Variants in SLC23A2 observed in about 807,000 individuals in gnomAD.
SLC23A2 encodes the protein Na(+)/L-ascorbic acid transporter 2.
Under a neutral mutation model 73.3 loss-of-function variants are expected in SLC23A2, and 36 were observed. That is an observed-to-expected ratio of 0.49 (90% CI 0.38 to 0.65). The LOEUF (loss-of-function observed/expected upper bound fraction) is 0.65, where lower values mean the gene tolerates loss of function less well. SLC23A2 is among the 30% of genes least tolerant of loss of function. The pLI is 0.00. For synonymous variants in SLC23A2, 343 were observed against 327.3 expected (o/e 1.05, Z -0.52); for missense variants, 507 against 841.6 (o/e 0.60, Z 4.92).
At position 4,932,731 on chromosome 20, in the gene SLC23A2, C is replaced by A. The variant is rs887203325; in HGVS notation, c.-154-15G>T. 8.5e-6 allele frequency: 5 copies of A among 586,200 alleles called. No homozygotes were observed. The African/African-American group carries it at 9.4e-5, about 11-fold the overall frequency. The allele number at this position is 586,200 out of a possible 1,614,324, so 36.3% of individuals were successfully genotyped here. On this transcript the variant is annotated splice_polypyrimidine_tract_variant and intron_variant, in intron 2 of 16. Transcript: ENST00000338244. ...TCTCTTAGCACCTAGAAAAGAAGAG[C>A]ACAGCCAAATCACCCCAAAGCATGA...
chr20:4,906,547 G>A (rs543456779), intron 4 of SLC23A2, among the ~76,000 whole-genome samples: 1 of 152,120 alleles, frequency 6.6e-6, no homozygotes. Context: ...TTCAACCCAG[G>A]AGGCAGAGGC....
At chr20:4,921,602 CAAA>C (rs1258373626) in intron 3 of SLC23A2, among the ~76,000 whole-genome samples, 9 of 86,722 alleles carry the variant, frequency 1.0e-4, no homozygotes, top group South Asian at 3.5e-4. Context: ...CAATCACAAC[CAAA>C]AAAAAAAAAA....
rs6116569 is a variant in SLC23A2, at chr20:4,884,071, T to A, written c.643-248A>T. ...TGGACACACGGCCCACATGCCTTTT[T>A]CACTGTTAAACGATGCAGGCAAAAA... On this transcript the variant is annotated intron_variant, in intron 8 of 16. Transcript: ENST00000338244. Among the ~76,000 whole-genome samples the A allele has an allele frequency of 5.7e-4, 87 of 151,992 alleles. 3 individuals are homozygous for A. The highest frequency in any genetic ancestry group is 2.1e-4 in the Non-Finnish European group (14 of 67,974).
At chr20:4,913,823 C>T (rs1221534143) in intron 3 of SLC23A2, among the ~76,000 whole-genome samples, 1 of 151,852 alleles carries the variant, frequency 6.6e-6, no homozygotes, top group Non-Finnish European at 1.5e-5. Flanking sequence ...GACGGGGTTT[C>T]ACCATGTTGG....
intron 2 of SLC23A2, among the ~76,000 whole-genome samples, chr20:4,967,482 T>C (rs895541225): frequency 6.6e-6 from 1 of 152,254 alleles, no homozygotes; most frequent in Non-Finnish European, 1.5e-5. Context: ...TACCTTCTTA[T>C]GTAAGCTCTG....
At chr20:4,919,072 A>G (rs1932418707) in intron 3 of SLC23A2, among the ~76,000 whole-genome samples, 1 of 152,224 alleles carries the variant, frequency 6.6e-6, no homozygotes, top group Non-Finnish European at 1.5e-5. Flanking sequence ...CCTACTTTCA[A>G]TATTATTAGA....
chr20:4,943,633 C>T (rs1001753305), intron 2 of SLC23A2, among the ~76,000 whole-genome samples: 9 of 148,094 alleles, frequency 6.1e-5, no homozygotes, highest in African/African-American at 1.3e-4. Flanking sequence ...TGAGACTGCA[C>T]GACTACACTC....
At position 4,952,218 on chromosome 20, in the gene SLC23A2, T is replaced by C. The variant is rs566881183; in HGVS notation, c.-155+18575A>G. ...TTAAGAAAAATCTGAGTAAAGGGACTAAAAGGGCATTCTAGGTTCATGCAA... is the reference window on the plus strand; with the variant it reads ...TTAAGAAAAATCTGAGTAAAGGGACCAAAAGGGCATTCTAGGTTCATGCAA... On this transcript the variant is annotated intron_variant, in intron 2 of 16. Transcript: ENST00000338244. Among the ~76,000 whole-genome samples the C allele has an allele frequency of 4.0e-5, 6 of 150,476 alleles. No individual in the cohort carries two copies. In the East Asian group the frequency reaches 1.2e-3, roughly 29 times the overall value.
At chr20:5,006,963 G>T (rs1291068624) in intron 1 of SLC23A2, among the ~76,000 whole-genome samples, 1 of 146,724 alleles carries the variant, frequency 6.8e-6, no homozygotes, top group East Asian at 1.9e-4. Flanking sequence ...GTGTGTGTGT[G>T]TGTGTGTGTG....
chr20:4,874,023 C>T lies in SLC23A2; in HGVS notation c.1015G>A (p.Asp339Asn), dbSNP rs1453294674. 3.7e-6 allele frequency: 6 copies of T among 1,614,104 alleles called. No homozygotes were observed. The highest frequency in any genetic ancestry group is 1.3e-5 in the African/African-American group (1 of 75,034). The change falls in exon 11 of 17, where the codon GAC becomes AAC. Residue 339 changes from aspartate to asparagine, a missense_variant. By Grantham distance (23) the Asp-to-Asn change is conservative. This residue lies in a region of SLC23A2 where 217 missense variants were observed against 398.0 expected (regional missense o/e 0.55). Coordinates refer to ENST00000338244, the MANE Select transcript of SLC23A2 (RefSeq NM_005116.6). ...IFTVTDVFPPDSTKYGFYART... is the reference protein window; with the variant it reads ...IFTVTDVFPPNSTKYGFYART... ...GCATAGAAGCCATACTTTGTGCTGT[C>T]GGGAGGGAAGACATCTGTCACCGTG...
At chr20:4,964,907 A>C (rs1725989730) in intron 2 of SLC23A2, among the ~76,000 whole-genome samples, 1 of 152,168 alleles carries the variant, frequency 6.6e-6, no homozygotes, top group African/African-American at 2.4e-5. Context: ...AAGAAAAAAA[A>C]AAAGAAAGGA....
intron 7 of SLC23A2, among the ~76,000 whole-genome samples, chr20:4,885,170 T>C (rs191804137): frequency 5.7e-4 from 87 of 152,278 alleles, no homozygotes; most frequent in African/African-American, 2.1e-3. Flanking sequence ...TTGAAAAACT[T>C]AGATAAAACA....
intron 3 of SLC23A2, among the ~76,000 whole-genome samples, chr20:4,930,680 G>T (rs534486686): frequency 1.3e-5 from 2 of 152,096 alleles, no homozygotes; most frequent in Non-Finnish European, 2.9e-5. Context: ...TTAGCTGGGC[G>T]TGGTGGCACA....
intron 6 of SLC23A2, among the ~76,000 whole-genome samples, chr20:4,887,435 G>A (rs1301255998): frequency 6.6e-6 from 1 of 152,186 alleles, no homozygotes; most frequent in Non-Finnish European, 1.5e-5. Flanking sequence ...GAATACAAAT[G>A]GTGAATTGCG....
intron 1 of SLC23A2, among the ~76,000 whole-genome samples, chr20:4,984,101 C>G (rs2087780119): frequency 6.6e-6 from 1 of 151,986 alleles, no homozygotes; most frequent in Non-Finnish European, 1.5e-5. Flanking sequence ...AGACAAGTAA[C>G]CTAATTAAAT....
intron 3 of SLC23A2, among the ~76,000 whole-genome samples, chr20:4,923,005 C>T (rs1932547951): frequency 6.6e-6 from 1 of 152,098 alleles, no homozygotes; most frequent in South Asian, 2.1e-4. Flanking sequence ...ACTAACATCT[C>T]TCATTTCATT....
chr20:4,967,679 C>T (rs541344143), intron 2 of SLC23A2, among the ~76,000 whole-genome samples: 52 of 152,288 alleles, frequency 3.4e-4, no homozygotes, highest in African/African-American at 1.2e-3. Context: ...CAGGATTTCC[C>T]GATACATAGG....
chr20:4,868,002 A>G lies in SLC23A2; in HGVS notation c.1251-127T>C. On this transcript the variant is annotated intron_variant, in intron 12 of 16. Coordinates refer to ENST00000338244, the MANE Select transcript of SLC23A2 (RefSeq NM_005116.6). This position sits in a 1 kb window ranked among gnomAD's most constrained non-coding sequence, Gnocchi z 4.4. ...GCCTGCAGCTTCCACATCTCCTGGG[A>G]GCTGGGAGGGCGATTAAAAATACAA... 3.2e-6 allele frequency: 1 copy of G among 312,528 alleles called. No individual in the cohort carries two copies. The highest frequency in any genetic ancestry group is 5.5e-6 in the Non-Finnish European group (1 of 180,668). 19.4% of individuals were successfully genotyped at this position (312,528 alleles called of 1,614,324 possible). A position where few individuals can be genotyped will look rare whatever the true frequency, so the allele number is the denominator to read the frequency against.
intron 1 of SLC23A2, among the ~76,000 whole-genome samples, chr20:5,009,112 G>T (rs746442052): frequency 3.3e-5 from 5 of 152,112 alleles, no homozygotes; most frequent in Non-Finnish European, 7.3e-5. Context: ...TAATTTTCTG[G>T]AGGCATTTGG....
Sources: gnomAD v4.1 joint callset for allele counts (sites outside exome capture counted in the v4.1 genomes callset) on GRCh38, gnomAD v4.1.1 for gene constraint, gnomAD v4.1.1 regional missense constraint, Gnocchi (gnomAD v3.1) non-coding constraint, MANE v1.5 for transcripts, NCBI Gene and HGNC (gene_info 2026-07-23, HGNC 2026-07-21) for gene names.